PEBP4: variants seen among roughly 807,000 people sequenced by gnomAD.
PEBP4 encodes phosphatidylethanolamine-binding protein 4.
A neutral mutation model predicts 23.9 loss-of-function variants in PEBP4; 22 were observed. That is an observed-to-expected ratio of 0.92 (90% CI 0.66 to 1.31). The LOEUF (loss-of-function observed/expected upper bound fraction) is 1.31, where lower values mean the gene tolerates loss of function less well. Ranked by LOEUF, PEBP4 falls within the 40% of genes most tolerant of loss-of-function variation. The pLI, the probability that PEBP4 is intolerant of heterozygous loss-of-function variation, is 0.00. For missense variants in PEBP4, 324 were observed against 281.7 expected (o/e 1.15, Z -1.07); for synonymous variants, 112 against 99.3 (o/e 1.13, Z -0.76).
rs192846783 is a variant in PEBP4, at chr8:22,867,898, A to G, written c.259-50163T>C. On this transcript the variant is annotated intron_variant, in intron 3 of 6. Coordinates refer to ENST00000256404, the MANE Select transcript of PEBP4 (RefSeq NM_144962.3). ...GTTAACCCTGGGACCTGGGTTACCAATATTAGAGATTTGGCCTGATACTTG... is the reference window on the plus strand; with the variant it reads ...GTTAACCCTGGGACCTGGGTTACCAGTATTAGAGATTTGGCCTGATACTTG... Among the ~76,000 whole-genome samples the G allele has an allele frequency of 4.6e-5, 7 of 152,338 alleles. No individual in the cohort carries two copies. The South Asian group carries it at 8.3e-4, about 18-fold the overall frequency.
chr8:22,773,555 G>C (rs1272408490), intron 4 of PEBP4, among the ~76,000 whole-genome samples: 1 of 152,052 alleles, frequency 6.6e-6, no homozygotes, highest in African/African-American at 2.4e-5. Context: ...TTCCTGGGCT[G>C]GCCTACCCCT....
chr8:22,928,174 A>G (rs1305213736), upstream of PEBP4, among the ~76,000 whole-genome samples: 4 of 152,212 alleles, frequency 2.6e-5, no homozygotes, highest in Non-Finnish European at 5.9e-5. Flanking sequence ...GCTCAGGGCT[A>G]GGAGTTGGGC....
intron 3 of PEBP4, among the ~76,000 whole-genome samples, chr8:22,903,821 C>T (rs982891710): frequency 6.6e-6 from 1 of 152,206 alleles, no homozygotes; most frequent in African/African-American, 2.4e-5. Context: ...TACCTGGTAC[C>T]CAGCCTCTCC....
In PEBP4 at chr8:22,883,363, A is replaced by G. The variant is rs1808303794; in HGVS notation, c.258+36821T>C. On this transcript the variant is annotated intron_variant, in intron 3 of 6. Transcript: ENST00000256404. Reference sequence around the variant, plus strand: ...ACATCACCACTGCTTTGCATCACCCATTAACACACCCAGATCACTGTCCCA... The same window carrying G: ...ACATCACCACTGCTTTGCATCACCCGTTAACACACCCAGATCACTGTCCCA... 2.6e-5 allele frequency among the ~76,000 whole-genome samples: 4 copies of G among 152,102 alleles called. No individual in the cohort carries two copies. The South Asian group carries it at 8.3e-4, about 32-fold the overall frequency.
Position 22,830,239 on chromosome 8 carries a change from C to T in PEBP4, c.259-12504G>A, listed in dbSNP as rs556142821. Among the ~76,000 whole-genome samples the T allele has an allele frequency of 2.6e-5, 4 of 151,564 alleles. No individual in the cohort carries two copies. In the South Asian group the frequency reaches 8.3e-4, roughly 32 times the overall value. ...CCACCTCCTGGGTTCAAGTGATTCC[C>T]CTGCCTCAGCCTCCTGAGTAGCTAG... is the stretch of plus-strand genomic sequence containing the variant. On this transcript the variant is annotated intron_variant, in intron 3 of 6. Transcript: ENST00000256404.
At chr8:22,834,151 C>T (rs538272613) in intron 3 of PEBP4, among the ~76,000 whole-genome samples, 5 of 152,222 alleles carry the variant, frequency 3.3e-5, no homozygotes, top group South Asian at 4.1e-4. Flanking sequence ...AGTCGCCCTG[C>T]GCTCCCACTA....
intron 3 of PEBP4, among the ~76,000 whole-genome samples, chr8:22,918,283 G>A (rs1395370063): frequency 6.6e-6 from 1 of 152,048 alleles, no homozygotes; most frequent in Non-Finnish European, 1.5e-5. Flanking sequence ...CCACAGCTTC[G>A]ATCAAATCTT....
At position 22,795,163 on chromosome 8, in the gene PEBP4, A is replaced by ATATT. The variant is rs1563218555; in HGVS notation, c.357+22473_357+22474insAATA. On this transcript the variant is annotated intron_variant, in intron 4 of 6. Coordinates refer to ENST00000256404, the MANE Select transcript of PEBP4 (RefSeq NM_144962.3). ...TGTGTGTATATATATATATATATAT[A>ATATT]TTTTTTTTTTTTTTTTTTTTTTTTT... Among the ~76,000 whole-genome samples, 15 of 47,346 alleles carry ATATT rather than the reference A, an allele frequency of 3.2e-4. No individual in the cohort carries two copies. The East Asian group carries it at 3.2e-3, about 10-fold the overall frequency. 31.1% of individuals were successfully genotyped at this position (47,346 alleles called of 152,430 possible). A position where few individuals can be genotyped will look rare whatever the true frequency, so the allele number is the denominator to read the frequency against.
intron 3 of PEBP4, chr8:22,885,182 T>TA (rs1486671302): frequency 7.2e-5 from 11 of 152,174 alleles, no homozygotes; most frequent in Non-Finnish European, 1.3e-4. Context: ...TGCCAGTTCA[T>TA]AAAGAGAGCT....
chr8:22,919,669 C>T (rs1809157561), intron 3 of PEBP4, among the ~76,000 whole-genome samples: 2 of 152,206 alleles, frequency 1.3e-5, no homozygotes, highest in Admixed American at 1.3e-4. Flanking sequence ...GAGCGTGTCT[C>T]ATGTTGTGAC....
intron 3 of PEBP4, among the ~76,000 whole-genome samples, chr8:22,848,894 C>A (rs533895654): frequency 6.6e-5 from 10 of 152,330 alleles, no homozygotes; most frequent in Non-Finnish European, 1.3e-4. Flanking sequence ...TCTCTAAACT[C>A]TTCTCAGAAG....
At chr8:22,822,008 GGA>G (rs1427184654) in intron 3 of PEBP4, among the ~76,000 whole-genome samples, 2 of 150,062 alleles carry the variant, frequency 1.3e-5, no homozygotes, top group Non-Finnish European at 3.0e-5. Context: ...AAGAGGCTGA[GGA>G]GAAGAGAGTT....
intron 4 of PEBP4, chr8:22,754,693 C>T (rs1278077106): frequency 6.6e-6 from 1 of 152,258 alleles, no homozygotes; most frequent in Non-Finnish European, 1.5e-5. Flanking sequence ...AAGCTGTCAT[C>T]TGCCTGATAT....
chr8:22,874,545 A>AC (rs1365295393), intron 3 of PEBP4, among the ~76,000 whole-genome samples: 1 of 152,024 alleles, frequency 6.6e-6, no homozygotes, highest in African/African-American at 2.4e-5. Context: ...TTTTGATACA[A>AC]CCCCCCTTTC....
intron 4 of PEBP4, among the ~76,000 whole-genome samples, chr8:22,811,350 C>T (rs926200904): frequency 1.3e-5 from 2 of 152,176 alleles, no homozygotes; most frequent in South Asian, 2.1e-4. Flanking sequence ...AATTTCACAT[C>T]GCAAATTACC....
chr8:22,720,805 C>G (rs1160104881), intron 6 of PEBP4, among the ~76,000 whole-genome samples: 1 of 152,114 alleles, frequency 6.6e-6, no homozygotes, highest in African/African-American at 2.4e-5. Context: ...CAGTGAGCAC[C>G]CCCTATCCAT....
At chr8:22,829,284 A>G (rs191553950) in intron 3 of PEBP4, among the ~76,000 whole-genome samples, 1 of 152,068 alleles carries the variant, frequency 6.6e-6, no homozygotes, top group Non-Finnish European at 1.5e-5. Context: ...CCCACCCTAT[A>G]TTTTTGGCTA....
In PEBP4 at chr8:22,777,232, C is replaced by T. The variant is rs79168708; in HGVS notation, c.357+40405G>A. On this transcript the variant is annotated intron_variant, in intron 4 of 6. Coordinates refer to ENST00000256404, the MANE Select transcript of PEBP4 (RefSeq NM_144962.3). Reference sequence around the variant, plus strand: ...TCCCCTCAGGTCCCCCTGAGTTCCCCCTCCTCTACTCCTCCACTCCCCTCA... The same window carrying T: ...TCCCCTCAGGTCCCCCTGAGTTCCCTCTCCTCTACTCCTCCACTCCCCTCA... 3.1e-3 allele frequency among the ~76,000 whole-genome samples: 479 copies of T among 152,262 alleles called. 3 individuals are homozygous for T. Among genetic ancestry groups the T allele is most frequent in the African/African-American group, 0.011 (447 of 41,544 alleles).
At chr8:22,909,444 A>G (rs1808888253) in intron 3 of PEBP4, among the ~76,000 whole-genome samples, 1 of 152,088 alleles carries the variant, frequency 6.6e-6, no homozygotes, top group Non-Finnish European at 1.5e-5. Context: ...TGTGCACACC[A>G]CTGTACCCCC....
Sources: gnomAD v4.1 joint callset for allele counts (sites outside exome capture counted in the v4.1 genomes callset) on GRCh38, gnomAD v4.1.1 for gene constraint, MANE v1.5 for transcripts, NCBI Gene and HGNC (gene_info 2026-07-23, HGNC 2026-07-21) for gene names.